Variants in CAMK2G observed in about 807,000 individuals in gnomAD.
The protein encoded by CAMK2G is calcium/calmodulin-dependent protein kinase type II subunit gamma.
CAMK2G carries 23 observed loss-of-function variants against 88.7 expected under a neutral mutation model. That is an observed-to-expected ratio of 0.26 (90% CI 0.19 to 0.37). CAMK2G has a LOEUF of 0.37. CAMK2G is among the 10% of genes least tolerant of loss of function. The probability of loss-of-function intolerance (pLI) is 1.00; values close to 1 mark genes in which losing one functional copy is unlikely to be tolerated. For synonymous variants in CAMK2G, 263 were observed against 294.8 expected (o/e 0.89, Z 1.11); for missense variants, 476 against 780.8 (o/e 0.61, Z 4.65).
chr10:73,832,949 CT>C (rs1016526122), intron 14 of CAMK2G, among the ~76,000 whole-genome samples: 7 of 144,662 alleles, frequency 4.8e-5, no homozygotes, highest in African/African-American at 1.7e-4. Flanking sequence ...TGTCTCCAAT[CT>C]TTTTTTTCTT....
At chr10:73,854,352 G>A (rs1404423872) in intron 3 of CAMK2G, among the ~76,000 whole-genome samples, 1 of 152,170 alleles carries the variant, frequency 6.6e-6, no homozygotes, top group Admixed American at 6.5e-5. Flanking sequence ...GTCTTCTGAG[G>A]TCTCCTCTTC....
At position 73,874,384 on chromosome 10, in the gene CAMK2G, G is replaced by C. The variant is rs754191011; in HGVS notation, c.65+13C>G. ...GGCAGGGCAGGCAGGGGACCGCGGCGGGCGGGCCGTACTTGCCAAGCTCCT... is the reference window on the plus strand; with the variant it reads ...GGCAGGGCAGGCAGGGGACCGCGGCCGGCGGGCCGTACTTGCCAAGCTCCT... On this transcript the variant is annotated intron_variant, in intron 1 of 22. Transcript: ENST00000423381. The C allele has an allele frequency of 4.1e-6, 6 of 1,479,316 alleles. No homozygotes were observed. In the South Asian group the frequency reaches 7.8e-5, roughly 19 times the overall value. 91.6% of individuals were successfully genotyped at this position (1,479,316 alleles called of 1,614,324 possible). A position where few individuals can be genotyped will look rare whatever the true frequency, so the allele number is the denominator to read the frequency against.
rs1407188304 is a variant in CAMK2G at position 73,813,726 on chromosome 10, TA to T, written c.*791del. ...AGCTGCAGGGATAAGGCCTCAATAT[TA>T]GGGCCCACATGCATTGTGCATCCTA... On this transcript the variant is annotated 3_prime_UTR_variant, in exon 23 of 23. Coordinates refer to ENST00000423381, the MANE Select transcript of CAMK2G (RefSeq NM_001367534.1). 6.5e-6 allele frequency: 1 copy of T among 152,702 alleles called. No homozygotes were observed. The highest frequency in any genetic ancestry group is 1.5e-5 in the Non-Finnish European group (1 of 68,088). 9.5% of individuals were successfully genotyped at this position (152,702 alleles called of 1,614,324 possible).
In CAMK2G at chr10:73,848,419, A is replaced by G; in HGVS notation, c.601+107T>C. ...GGGCAAACACCATAATTTCACATAC[A>G]CCAGGCACGTGTGTGACCTGCAAGG... On this transcript the variant is annotated intron_variant, in intron 8 of 22. Transcript: ENST00000423381. The surrounding 1 kb of genome is among the most constrained non-coding windows in gnomAD (Gnocchi z 4.5). 1 of 769,624 alleles carries G rather than the reference A, an allele frequency of 1.3e-6. No homozygotes were observed. The allele number at this position is 769,624 out of a possible 1,614,324, so 47.7% of individuals were successfully genotyped here.
Position 73,852,318 on chromosome 10 carries a change from C to T in CAMK2G, c.277G>A (p.Val93Ile). 6.2e-7 allele frequency: 1 copy of T among 1,613,946 alleles called. No individual in the cohort carries two copies. Among genetic ancestry groups the T allele is most frequent in the African/African-American group, 1.3e-5 (1 of 75,022 alleles). The change falls in exon 5 of 23, where the codon GTT (valine) becomes ATT (isoleucine). Residue 93 changes from valine to isoleucine, a missense_variant and splice_region_variant. Transcript: ENST00000423381. ...TCTTCAAACAGCTCCCCGCCGGTAA[C>T]ACTGCAACCAACGGGAAGAAGAGGG... is the stretch of plus-strand genomic sequence containing the variant. ...EGFHYLVFDL[V>I]TGGELFEDIV...
chr10:73,824,216 C>T, intron 16 of CAMK2G, 132 bp from the exon 17 acceptor site: 1 of 663,376 alleles, frequency 1.5e-6, no homozygotes, highest in East Asian at 2.8e-5. Flanking sequence ...CCAGCCATCT[C>T]CAGAAGACAA....
Position 73,816,295 on chromosome 10 carries a change from G to A in CAMK2G, c.1534+728C>T, listed in dbSNP as rs1013226080. 17 of 989,022 alleles carry A rather than the reference G, an allele frequency of 1.7e-5. No homozygotes were observed. The South Asian group carries it at 5.5e-4, about 32-fold the overall frequency. The allele number at this position is 989,022 out of a possible 1,614,324, so 61.3% of individuals were successfully genotyped here. On this transcript the variant is annotated intron_variant, in intron 21 of 22. Coordinates refer to ENST00000423381, the MANE Select transcript of CAMK2G (RefSeq NM_001367534.1). ...GATTCTAGCCACAACTTCCGATCTC[G>A]CAAATCACCAACAGTGCCCTGGTTT...
At chr10:73,820,862 T>TG (rs1385697972) in intron 18 of CAMK2G, among the ~76,000 whole-genome samples, 1 of 151,808 alleles carries the variant, frequency 6.6e-6, no homozygotes, top group African/African-American at 2.4e-5. Context: ...TTAGTAGAGA[T>TG]GGAGTTTCAC....
chr10:73,853,161 G>A, intron 4 of CAMK2G, 31 bp downstream of exon 4: 1 of 1,605,588 alleles, frequency 6.2e-7, no homozygotes, highest in East Asian at 2.2e-5. Context: ...TAGAGGGAAA[G>A]GCCCCCACAC....
intron 10 of CAMK2G, chr10:73,846,258 A>C (rs1325005579): frequency 1.3e-5 from 2 of 152,204 alleles, no homozygotes; most frequent in Non-Finnish European, 2.9e-5. Context: ...AGCCTCATCG[A>C]CAACCAAACA....
At chr10:73,865,880 C>T (rs1362220386) in intron 2 of CAMK2G, among the ~76,000 whole-genome samples, 1 of 151,996 alleles carries the variant, frequency 6.6e-6, no homozygotes, top group Non-Finnish European at 1.5e-5. Context: ...CAGCCCAGCC[C>T]CCCCCTTCCT....
At chr10:73,852,627 G>C (rs1345030322) in intron 4 of CAMK2G, 4 of 395,126 alleles carry the variant, frequency 1.0e-5, no homozygotes, top group Non-Finnish European at 1.9e-5. Flanking sequence ...AAAAGTCACA[G>C]CTTTGAGACC....
intron 2 of CAMK2G, among the ~76,000 whole-genome samples, chr10:73,861,442 G>A (rs1427100010): frequency 6.6e-6 from 1 of 152,006 alleles, no homozygotes; most frequent in Non-Finnish European, 1.5e-5. Flanking sequence ...TGCAACCTTC[G>A]CCTCCTGGGT....
rs112722854 is a variant in CAMK2G, at chr10:73,873,473, AG to A, written c.66-391del. ...AGAGAGACCCTGCCCTTCTCTCAGCAGGAACAGTTGAAGGTCGGGGAAGGAA... is the reference window on the plus strand; with the variant it reads ...AGAGAGACCCTGCCCTTCTCTCAGCAGAACAGTTGAAGGTCGGGGAAGGAA... On this transcript the variant is annotated intron_variant, in intron 1 of 22. Coordinates refer to ENST00000423381, the MANE Select transcript of CAMK2G (RefSeq NM_001367534.1). 2,833 of 1,051,646 alleles carry A rather than the reference AG, an allele frequency of 2.7e-3. 63 individuals are homozygous for A. The African/African-American group carries it at 0.043, about 16-fold the overall frequency. 65.1% of individuals were successfully genotyped at this position (1,051,646 alleles called of 1,614,324 possible). A position where few individuals can be genotyped will look rare whatever the true frequency, so the allele number is the denominator to read the frequency against.
intron 14 of CAMK2G, among the ~76,000 whole-genome samples, chr10:73,831,534 TAAAAAAAAAAA>T (rs985986206): frequency 5.5e-5 from 3 of 54,634 alleles, no homozygotes; most frequent in East Asian, 1.0e-3. Flanking sequence ...AGACTCCGTC[TAAAAAAAAAAA>T]AAAAAAAAAA....
chr10:73,836,109 C>T (rs2093181167), intron 14 of CAMK2G, among the ~76,000 whole-genome samples: 3 of 152,202 alleles, frequency 2.0e-5, no homozygotes, highest in Admixed American at 1.3e-4. Context: ...GCTGGGATTA[C>T]AGGAGTGAGC....
intron 10 of CAMK2G, among the ~76,000 whole-genome samples, chr10:73,843,889 G>A (rs1031168485): frequency 6.6e-6 from 1 of 152,038 alleles, no homozygotes; most frequent in Non-Finnish European, 1.5e-5. Flanking sequence ...CTCACAAGCC[G>A]ATCTTCACCT....
rs2094373075 is a variant in CAMK2G, at chr10:73,848,016, T to C, written c.668A>G (p.Tyr223Cys). Reference protein sequence around the residue: ...PFWDEDQHKLYQQIKAGAYDF... With the variant: ...PFWDEDQHKLCQQIKAGAYDF... Reference sequence around the variant, plus strand: ...ATAGGCTCCAGCCTTGATCTGCTGATACAGCTTGTGCTGATCCTCATCCCA... The same window carrying C: ...ATAGGCTCCAGCCTTGATCTGCTGACACAGCTTGTGCTGATCCTCATCCCA... The change falls in exon 9 of 23, where the codon TAT (tyrosine) becomes TGT (cysteine). Residue 223 changes from tyrosine (Y) to cysteine (C), a missense_variant. This residue lies in a region of CAMK2G where 164 missense variants were observed against 385.6 expected (regional missense o/e 0.43). Transcript: ENST00000423381. The surrounding 1 kb of genome is among the most constrained non-coding windows in gnomAD (Gnocchi z 4.5). 1 of 1,612,584 alleles carries C rather than the reference T, an allele frequency of 6.2e-7. No individual in the cohort carries two copies. Among genetic ancestry groups the C allele is most frequent in the Non-Finnish European group, 8.5e-7 (1 of 1,178,722 alleles).
chr10:73,824,007 G>A, intron 17 of CAMK2G, 33 bp downstream of exon 17: 13 of 1,595,296 alleles, frequency 8.1e-6, no homozygotes, highest in Non-Finnish European at 1.0e-5. Flanking sequence ...CTGCTGACCT[G>A]GAAAGCAGGA....
Sources: gnomAD v4.1 joint callset for allele counts (sites outside exome capture counted in the v4.1 genomes callset) on GRCh38, gnomAD v4.1.1 for gene constraint, gnomAD v4.1.1 regional missense constraint, Gnocchi (gnomAD v3.1) non-coding constraint, MANE v1.5 for transcripts, NCBI Gene and HGNC (gene_info 2026-07-23, HGNC 2026-07-21) for gene names.